SH3PXD2A: variants seen among roughly 807,000 people sequenced by gnomAD.
SH3PXD2A encodes the protein SH3 and PX domain-containing protein 2A.
Under a neutral mutation model 115.2 loss-of-function variants are expected in SH3PXD2A, and 32 were observed. That is an observed-to-expected ratio of 0.28 (90% CI 0.21 to 0.37). The LOEUF is 0.37. Among genes scored for constraint, SH3PXD2A ranks in the 10% least tolerant of loss-of-function variants. The pLI is 1.00. For synonymous variants in SH3PXD2A, 610 were observed against 629.1 expected, an observed-to-expected ratio of 0.97 and a Z score of 0.45; for missense variants, 1,328 against 1,498.7, an observed-to-expected ratio of 0.89 and a Z score of 1.88.
chr10:103,673,931 G>A (rs1054084186), intron 6 of SH3PXD2A, among the ~76,000 whole-genome samples: 1 of 152,216 alleles, frequency 6.6e-6, no homozygotes, highest in Non-Finnish European at 1.5e-5. Context: ...CAGGCCAGGG[G>A]CCCGATGGAA....
At chr10:103,679,123 G>C (rs1418809819) in intron 6 of SH3PXD2A, among the ~76,000 whole-genome samples, 1 of 152,214 alleles carries the variant, frequency 6.6e-6, no homozygotes, top group Non-Finnish European at 1.5e-5. Flanking sequence ...CAGCCATGCA[G>C]GTCTGTGTGC....
chr10:103,854,734 G>A (rs1291373478), intron 1 of SH3PXD2A, among the ~76,000 whole-genome samples: 1 of 152,182 alleles, frequency 6.6e-6, no homozygotes, highest in African/African-American at 2.4e-5. Flanking sequence ...CCAGGCCTAG[G>A]AAGGCAGAGA....
At chr10:103,702,258 T>C (rs1269945474) in intron 5 of SH3PXD2A, among the ~76,000 whole-genome samples, 1 of 152,162 alleles carries the variant, frequency 6.6e-6, no homozygotes, top group Non-Finnish European at 1.5e-5. Context: ...AGTAAGAGAG[T>C]GGCAGAAGAC....
At chr10:103,672,343 G>A (rs2037474969) in intron 6 of SH3PXD2A, among the ~76,000 whole-genome samples, 1 of 152,214 alleles carries the variant, frequency 6.6e-6, no homozygotes, top group African/African-American at 2.4e-5. Context: ...AAGCATTTGG[G>A]CCTATTGCTC....
At chr10:103,670,843 G>C (rs542196885) in intron 6 of SH3PXD2A, among the ~76,000 whole-genome samples, 2 of 152,356 alleles carry the variant, frequency 1.3e-5, no homozygotes, top group East Asian at 3.9e-4. Context: ...AAGCTGGTAT[G>C]GCCAAGGAGG....
rs183495753 is a variant in SH3PXD2A, at chr10:103,816,992, G to A, written c.73-15630C>T. On this transcript the variant is annotated intron_variant, in intron 1 of 14. Coordinates refer to ENST00000369774, the MANE Select transcript of SH3PXD2A (RefSeq NM_001394015.1). ...ATTACAGGTGTGTGCCAACACACCC[G>A]GCTAATTTTTTTTTTTTTTTTTTTT... Among the ~76,000 whole-genome samples the A allele has an allele frequency of 8.3e-3, 1,090 of 131,280 alleles. 17 individuals are homozygous for A. Among genetic ancestry groups the A allele is most frequent in the African/African-American group, 0.025 (906 of 36,262 alleles). The allele number at this position is 131,280 out of a possible 152,430, so 86.1% of individuals were successfully genotyped here. A position where few individuals can be genotyped will look rare whatever the true frequency, so the allele number is the denominator to read the frequency against.
intron 3 of SH3PXD2A, among the ~76,000 whole-genome samples, chr10:103,736,130 T>C (rs1005053385): frequency 2.6e-5 from 4 of 152,230 alleles, no homozygotes; most frequent in African/African-American, 9.6e-5. Context: ...GGCTCTCAAG[T>C]GACCTTGCAA....
Position 103,602,278 on chromosome 10 carries a change from C to T in SH3PXD2A, c.2940G>A (p.Gln980=). The T allele has an allele frequency of 6.2e-7, 1 of 1,613,206 alleles. No individual in the cohort carries two copies. ...TGGGTGGCGGGGACACAAACACCGA[C>T]TGGGGCCTGACCGCCACCTGCCGCA... ...NGVRQVAVRP[Q]SVFVSPPPKD... The change falls in exon 15 of 15, where the codon CAG becomes CAA. Residue 980 remains glutamine, a synonymous_variant. Coordinates refer to ENST00000369774, the MANE Select transcript of SH3PXD2A (RefSeq NM_001394015.1).
At chr10:103,605,687 TCCTG>T (rs970349225) in intron 14 of SH3PXD2A, 107 bp downstream of exon 14, 13 of 1,359,920 alleles carry the variant, frequency 9.6e-6, no homozygotes, top group Non-Finnish European at 1.3e-5. Flanking sequence ...TCTGTACCTT[TCCTG>T]CCTGCCTGCC....
chr10:103,854,815 T>G (rs777613734), intron 1 of SH3PXD2A, among the ~76,000 whole-genome samples: 5 of 152,088 alleles, frequency 3.3e-5, no homozygotes, highest in Admixed American at 3.3e-4. Context: ...TCTCGGGCTG[T>G]GTGAGCGTGA....
chr10:103,758,081 G>T (rs1244625198), intron 3 of SH3PXD2A, among the ~76,000 whole-genome samples: 3 of 152,230 alleles, frequency 2.0e-5, no homozygotes, highest in Non-Finnish European at 2.9e-5. Flanking sequence ...CCATTTGACA[G>T]ATGATGCTAC....
At position 103,596,663 on chromosome 10, in the gene SH3PXD2A, A is replaced by ACACACACTCTCTCT; in HGVS notation, c.*5152_*5153insAGAGAGAGTGTGTG. The ACACACACTCTCTCT allele has an allele frequency of 6.8e-4, 85 of 124,504 alleles. No homozygotes were observed. The highest frequency in any genetic ancestry group is 2.5e-3 in the African/African-American group (80 of 31,746). 7.7% of individuals were successfully genotyped at this position (124,504 alleles called of 1,614,324 possible). A position where few individuals can be genotyped will look rare whatever the true frequency, so the allele number is the denominator to read the frequency against. On this transcript the variant is annotated 3_prime_UTR_variant, in exon 15 of 15. Coordinates refer to ENST00000369774, the MANE Select transcript of SH3PXD2A (RefSeq NM_001394015.1). ...CACACACACACACACACACACACACACTCTCTCTCTCTCTCTCTCTCTCAC... is the reference window on the plus strand; with the variant it reads ...CACACACACACACACACACACACACACACACACTCTCTCTCTCTCTCTCTCTCTCTCTCTCTCAC...
intron 1 of SH3PXD2A, among the ~76,000 whole-genome samples, chr10:103,827,786 A>G (rs1363930983): frequency 2.0e-5 from 3 of 152,226 alleles, no homozygotes; most frequent in Non-Finnish European, 2.9e-5. Flanking sequence ...GTCCTCAGAT[A>G]GAGCAGTACT....
At chr10:103,744,154 CTT>C (rs35901070) in intron 3 of SH3PXD2A, among the ~76,000 whole-genome samples, 95 of 136,126 alleles carry the variant, frequency 7.0e-4, no homozygotes, top group Non-Finnish European at 6.6e-4. Context: ...CCCTGCTTGT[CTT>C]TTTTTTTTTT....
At chr10:103,762,817 T>G (rs1303547783) in intron 3 of SH3PXD2A, among the ~76,000 whole-genome samples, 1 of 152,134 alleles carries the variant, frequency 6.6e-6, no homozygotes, top group Non-Finnish European at 1.5e-5. Context: ...TTGATGGATA[T>G]GCCAATGTCA....
At chr10:103,618,804 T>G (rs1004947037) in intron 10 of SH3PXD2A, among the ~76,000 whole-genome samples, 1 of 152,124 alleles carries the variant, frequency 6.6e-6, no homozygotes, top group East Asian at 1.9e-4. Flanking sequence ...CTTGGCTGGA[T>G]GCTGGCGGGC....
intron 1 of SH3PXD2A, among the ~76,000 whole-genome samples, chr10:103,835,671 C>A (rs796718588): frequency 1.3e-5 from 2 of 152,126 alleles, no homozygotes; most frequent in Non-Finnish European, 2.9e-5. Flanking sequence ...TGGCCGCCCC[C>A]CCAACCCCTC....
chr10:103,700,055 C>T (rs974893501), intron 5 of SH3PXD2A, among the ~76,000 whole-genome samples: 1 of 152,218 alleles, frequency 6.6e-6, no homozygotes, highest in South Asian at 2.1e-4. Flanking sequence ...CTGCCCTGTC[C>T]ACAGCAAAAG....
At chr10:103,714,628 T>C (rs2038084093) in intron 5 of SH3PXD2A, among the ~76,000 whole-genome samples, 1 of 152,218 alleles carries the variant, frequency 6.6e-6, no homozygotes, top group Admixed American at 6.5e-5. Flanking sequence ...CCACCCAGGT[T>C]GAAGGGGGCA....
Sources: gnomAD v4.1 joint callset for allele counts (sites outside exome capture counted in the v4.1 genomes callset) on GRCh38, gnomAD v4.1.1 for gene constraint, MANE v1.5 for transcripts, NCBI Gene and HGNC (gene_info 2026-07-23, HGNC 2026-07-21) for gene names.